The following POLR2F variants were observed in gnomAD, a reference collection of about 807,000 sequenced individuals.
POLR2F encodes the protein RNA polymerase II, I and III subunit F, also known as DNA-directed RNA polymerases I, II, and III subunit RPABC2.
Under a neutral mutation model 22.7 loss-of-function variants are expected in POLR2F, and 12 were observed. That is an observed-to-expected ratio of 0.53 (90% confidence interval 0.34 to 0.86). The LOEUF (loss-of-function observed/expected upper bound fraction) is 0.86, where lower values mean the gene tolerates loss of function less well. POLR2F is among the 40% of genes least tolerant of loss of function. The pLI is 0.02. For missense variants in POLR2F, 126 were observed against 171.5 expected, an observed-to-expected ratio of 0.73 and a Z score of 1.48; for synonymous variants, 57 against 66.0, an observed-to-expected ratio of 0.86 and a Z score of 0.66.
At chr22:38,015,371 A>G (rs2084907289) in intron 1 of POLR2F, among the ~76,000 whole-genome samples, 1 of 152,144 alleles carries the variant, frequency 6.6e-6, no homozygotes, top group Non-Finnish European at 1.5e-5. Flanking sequence ...GTGGGTGAAC[A>G]GGAGACTTTC....
At chr22:37,989,036 T>C (rs539483149) in intron 1 of POLR2F, among the ~76,000 whole-genome samples, 10 of 152,230 alleles carry the variant, frequency 6.6e-5, no homozygotes, top group Non-Finnish European at 1.3e-4. Flanking sequence ...CTGGGGTGGC[T>C]GTGGGAGCTC....
intron 1 of POLR2F, among the ~76,000 whole-genome samples, chr22:38,015,508 A>G (rs1037014374): frequency 6.6e-6 from 1 of 151,792 alleles, no homozygotes; most frequent in Non-Finnish European, 1.5e-5. Flanking sequence ...CTCCTTGAGC[A>G]CTCCTCTCTC....
Position 37,967,676 on chromosome 22 carries a change from T to C in POLR2F, c.345T>C (p.Tyr115=), listed in dbSNP as rs1157389455. The C allele has an allele frequency of 6.2e-7, 1 of 1,614,004 alleles. No homozygotes were observed. The highest frequency in any genetic ancestry group is 1.7e-4 in the Middle Eastern group (1 of 6,058). ...IIRRYLPDGS[Y]EDWGVDELII... is the part of the protein sequence containing the mutation. ...GCCGTTACCTGCCAGATGGGAGCTA[T>C]GAAGACTGGGGGGTGGACGAGCTCA... Residue 115 remains tyrosine (Y), a synonymous_variant, in exon 5 of 5, where the codon TAT becomes TAC. Coordinates refer to ENST00000442738, the MANE Select transcript of POLR2F (RefSeq NM_021974.5).
At chr22:37,991,225 C>G (rs1490233433) in intron 1 of POLR2F, among the ~76,000 whole-genome samples, 1 of 133,006 alleles carries the variant, frequency 7.5e-6, no homozygotes, top group Admixed American at 7.7e-5. Flanking sequence ...GTGCAATTCT[C>G]CTCCCTCAGC....
rs550219772 is a variant in POLR2F, at chr22:37,994,928, C to A, written c.120+8616C>A. Among the ~76,000 whole-genome samples the A allele has an allele frequency of 2.0e-5, 3 of 152,172 alleles. No homozygotes were observed. In the South Asian group the frequency reaches 6.2e-4, roughly 32 times the overall value. ...CCAAAATGCTGGGATTATAGGTGTG[C>A]GCCACCTGCACAGGTGTTTTATATT... On this transcript the variant is annotated intron_variant, in intron 1 of 2. Coordinates refer to the POLR2F transcript ENST00000333418.
chr22:37,974,402 G>C lies in POLR2F; in HGVS notation c.293+7232G>C, dbSNP rs1932163723. Among the ~76,000 whole-genome samples, 1 of 151,258 alleles carries C rather than the reference G, an allele frequency of 6.6e-6. No individual in the cohort carries two copies. The highest frequency in any genetic ancestry group is 1.5e-5 in the Non-Finnish European group (1 of 67,908). On this transcript the variant is annotated intron_variant, in intron 4 of 4. Transcript: ENST00000405557. This position sits in a 1 kb window ranked among gnomAD's most constrained non-coding sequence, Gnocchi z 5.4. ...AGTTTCGCTCTTGTTGCCCAGACTGGAGTGCAGTGGCGCCATCTCGGCTCA... is the reference window on the plus strand; with the variant it reads ...AGTTTCGCTCTTGTTGCCCAGACTGCAGTGCAGTGGCGCCATCTCGGCTCA...
chr22:37,997,708 C>T lies in POLR2F; in HGVS notation c.120+11396C>T, dbSNP rs536267127. ...GCCCTGGGTCACCCTGCCCCTCCCTCGTGCCTGTGCCCAGCTCCGCATCTC... is the reference window on the plus strand; with the variant it reads ...GCCCTGGGTCACCCTGCCCCTCCCTTGTGCCTGTGCCCAGCTCCGCATCTC... On this transcript the variant is annotated intron_variant, in intron 1 of 2. Transcript: ENST00000333418. This position sits in a 1 kb window ranked among gnomAD's most constrained non-coding sequence, Gnocchi z 4.4. 7.9e-5 allele frequency among the ~76,000 whole-genome samples: 12 copies of T among 152,252 alleles called. No individual in the cohort carries two copies. Among genetic ancestry groups the T allele is most frequent in the African/African-American group, 2.9e-4 (12 of 41,542 alleles).
At position 37,968,640 on chromosome 22, in the gene POLR2F, C is replaced by T; in HGVS notation, c.*925C>T. 1.0e-6 allele frequency: 1 copy of T among 985,518 alleles called. No homozygotes were observed. The highest frequency in any genetic ancestry group is 1.2e-6 in the Non-Finnish European group (1 of 829,986). The allele number at this position is 985,518 out of a possible 1,614,324, so 61.0% of individuals were successfully genotyped here. ...TAAGACCAGTCACACTGGCTCCTCC[C>T]TCCTAGAGGGGGTCAGGGGGAGGGT... On this transcript the variant is annotated 3_prime_UTR_variant, in exon 5 of 5. Coordinates refer to ENST00000442738, the MANE Select transcript of POLR2F (RefSeq NM_021974.5).
rs992318287 is a variant in POLR2F, at chr22:38,031,690, G to A, written c.453-9378G>A. ...CTCACGTGTGACCCTGGTGACCTCC[G>A]AAGGTTGCTTCCAGCCTGAAAGTGC... On this transcript the variant is annotated intron_variant, in intron 5 of 5. Transcript: ENST00000407936. The surrounding 1 kb of genome is among the most constrained non-coding windows in gnomAD (Gnocchi z 4.1). 2.6e-5 allele frequency among the ~76,000 whole-genome samples: 4 copies of A among 152,120 alleles called. No individual in the cohort carries two copies. Among genetic ancestry groups the A allele is most frequent in the Non-Finnish European group, 5.9e-5 (4 of 68,012 alleles).
At chr22:37,961,392 G>A (rs1248827241) in intron 3 of POLR2F, among the ~76,000 whole-genome samples, 1 of 152,156 alleles carries the variant, frequency 6.6e-6, no homozygotes, top group Non-Finnish European at 1.5e-5. Flanking sequence ...GGTAGACTAT[G>A]GCCAGTCCAG....
chr22:38,023,590 C>T (rs377587248), intron 1 of POLR2F, among the ~76,000 whole-genome samples: 38 of 152,212 alleles, frequency 2.5e-4, no homozygotes, highest in African/African-American at 7.9e-4. Flanking sequence ...TTCATCTTCC[C>T]GAACTGAAAC....
In POLR2F at chr22:37,965,162, C is replaced by T. The variant is rs191656139; in HGVS notation, c.222-1937C>T. Among the ~76,000 whole-genome samples, 19 of 151,816 alleles carry T rather than the reference C, an allele frequency of 1.3e-4. No individual in the cohort carries two copies. The East Asian group carries it at 3.5e-3, about 28-fold the overall frequency. ...CTGGGACTACAGGCATGTGCCACCACGGCCGGCTAATTTTTTGTATTTTTA... is the reference window on the plus strand; with the variant it reads ...CTGGGACTACAGGCATGTGCCACCATGGCCGGCTAATTTTTTGTATTTTTA... On this transcript the variant is annotated intron_variant, in intron 3 of 4. Coordinates refer to ENST00000442738, the MANE Select transcript of POLR2F (RefSeq NM_021974.5).
Position 37,986,836 on chromosome 22 carries a change from GT to G in POLR2F, c.120+525del, listed in dbSNP as rs149220194. 1,809 of 456,516 alleles carry G rather than the reference GT, an allele frequency of 4.0e-3. 32 individuals carry two copies. Among genetic ancestry groups the G allele is most frequent in the African/African-American group, 0.033 (1,643 of 50,236 alleles). 28.3% of individuals were successfully genotyped at this position (456,516 alleles called of 1,614,324 possible). A position where few individuals can be genotyped will look rare whatever the true frequency, so the allele number is the denominator to read the frequency against. On this transcript the variant is annotated intron_variant, in intron 1 of 2. Transcript: ENST00000333418. The surrounding 1 kb of genome is among the most constrained non-coding windows in gnomAD (Gnocchi z 4.7). ...TCCCATCCCAGGCCCTGGGAACCCA[GT>G]GCTCTCCAGCAGGCAAGGGTGAAGG...
chr22:38,000,102 C>A (rs1022148589), intron 1 of POLR2F, among the ~76,000 whole-genome samples: 1 of 152,230 alleles, frequency 6.6e-6, no homozygotes, highest in Middle Eastern at 3.2e-3. Flanking sequence ...GGTGACTCAT[C>A]CTGCTGGTCC....
downstream of POLR2F, chr22:37,974,060 C>T (rs1374911711): frequency 6.2e-7 from 1 of 1,614,068 alleles, no homozygotes. This position sits in a 1 kb window ranked among gnomAD's most constrained non-coding sequence, Gnocchi z 5.4. Context: ...GCTGATCTCA[C>T]CAATGTCCAC....
At position 37,978,178 on chromosome 22, in the gene POLR2F, C is replaced by A. The variant is rs902044556; in HGVS notation, c.293+11008C>A. The A allele has an allele frequency of 1.3e-6, 2 of 1,488,204 alleles. No individual in the cohort carries two copies. Among genetic ancestry groups the A allele is most frequent in the Non-Finnish European group, 1.8e-6 (2 of 1,119,192 alleles). The allele number at this position is 1,488,204 out of a possible 1,614,324, so 92.2% of individuals were successfully genotyped here. On this transcript the variant is annotated intron_variant, in intron 4 of 4. Coordinates refer to the POLR2F transcript ENST00000405557. This position sits in a 1 kb window ranked among gnomAD's most constrained non-coding sequence, Gnocchi z 5.0. ...GCGGAGAGGACAGCAGAGGGGCTGG[C>A]GTGAATGCCAGAGCACTCCAGGTTG...
At chr22:37,977,772 C>T in intron 4 of POLR2F, 1 of 1,362,584 alleles carries the variant, frequency 7.3e-7, no homozygotes, top group Non-Finnish European at 1.0e-6. Context: ...GCCTGGCACG[C>T]TCTCCCTAGA....
At chr22:38,028,492 G>T (rs1049448336), downstream of POLR2F, among the ~76,000 whole-genome samples, 3 of 151,702 alleles carry the variant, frequency 2.0e-5, no homozygotes, top group Non-Finnish European at 4.4e-5. Flanking sequence ...GTGTGTGCGT[G>T]TGTGTGTGTG....
rs1008687687 is a variant in POLR2F, at chr22:38,016,882, A to G, written c.121-8987A>G. On this transcript the variant is annotated intron_variant, in intron 1 of 2. Transcript: ENST00000333418. This position sits in a 1 kb window ranked among gnomAD's most constrained non-coding sequence, Gnocchi z 4.4. Reference sequence around the variant, plus strand: ...GGAGGGAAGAGGAGGGCAGAAAAGAAAGAGCAGAGCAAGGGCCTGGTGTGG... The same window carrying G: ...GGAGGGAAGAGGAGGGCAGAAAAGAGAGAGCAGAGCAAGGGCCTGGTGTGG... 6.6e-6 allele frequency among the ~76,000 whole-genome samples: 1 copy of G among 151,246 alleles called. No homozygotes were observed. Among genetic ancestry groups the G allele is most frequent in the African/African-American group, 2.4e-5 (1 of 41,210 alleles).
Sources: allele counts gnomAD v4.1 joint callset (sites outside exome capture counted in the v4.1 genomes callset), GRCh38; gene constraint gnomAD v4.1.1; non-coding constraint Gnocchi (gnomAD v3.1); transcripts MANE v1.5; gene names NCBI Gene and HGNC (gene_info 2026-07-23, HGNC 2026-07-21).